The following COL19A1 variants were observed in gnomAD, a reference collection of about 807,000 sequenced individuals.
COL19A1 encodes the protein collagen alpha-1(XIX) chain.
Under a neutral mutation model 190.2 loss-of-function variants are expected in COL19A1, and 159 were observed. The ratio of observed to expected loss-of-function variants is 0.84; its 90% CI spans 0.73 to 0.95. The LOEUF (loss-of-function observed/expected upper bound fraction) is 0.95. Ranked by LOEUF, COL19A1 falls within the 40% of genes least tolerant of loss-of-function variation. COL19A1 has a pLI of 0.00. For missense variants in COL19A1, 1,418 were observed against 1,431.9 expected, an observed-to-expected ratio of 0.99 and a Z score of 0.16; for synonymous variants, 509 against 458.9, an observed-to-expected ratio of 1.11 and a Z score of -1.39.
At chr6:70,129,838 G>C (rs933737681) in intron 17 of COL19A1, among the ~76,000 whole-genome samples, 1 of 152,250 alleles carries the variant, frequency 6.6e-6, no homozygotes, top group Non-Finnish European at 1.5e-5. Flanking sequence ...AGGGAGAGCA[G>C]ATCAGAGATG....
intron 13 of COL19A1, 95 bp downstream of exon 13, chr6:70,034,393 G>A (rs1779233637): frequency 2.2e-6 from 2 of 927,852 alleles, no homozygotes; most frequent in Admixed American, 1.9e-5. Flanking sequence ...TCTCCTAAAA[G>A]CATTCTAAAA....
At chr6:70,155,976 T>A in intron 31 of COL19A1, 151 bp from the exon 32 acceptor site, 2 of 571,908 alleles carry the variant, frequency 3.5e-6, no homozygotes, top group Non-Finnish European at 3.0e-6. Context: ...TTAATGTTTT[T>A]AAATTGGATA....
chr6:69,906,622 A>T (rs1405376433), intron 4 of COL19A1, among the ~76,000 whole-genome samples: 1 of 152,216 alleles, frequency 6.6e-6, no homozygotes, highest in East Asian at 1.9e-4. Context: ...AATACGATTT[A>T]TGAGCTTGAA....
At chr6:70,035,109 C>G (rs961371889) in intron 13 of COL19A1, among the ~76,000 whole-genome samples, 1 of 152,186 alleles carries the variant, frequency 6.6e-6, no homozygotes, top group African/African-American at 2.4e-5. Context: ...CATTGTGAGA[C>G]TACAGCATCC....
intron 42 of COL19A1, among the ~76,000 whole-genome samples, chr6:70,179,827 C>T (rs922133845): frequency 6.6e-5 from 10 of 152,106 alleles, no homozygotes; most frequent in South Asian, 2.1e-4. Flanking sequence ...TTATGGCCTG[C>T]GGAGTTGACT....
At position 69,883,341 on chromosome 6, in the gene COL19A1, C is replaced by G. The variant is rs77851973; in HGVS notation, c.91+3683C>G. Among the ~76,000 whole-genome samples, 1,013 of 152,292 alleles carry G rather than the reference C, an allele frequency of 6.7e-3. 24 individuals carry two copies. In the East Asian group the frequency reaches 0.071, roughly 11 times the overall value. On this transcript the variant is annotated intron_variant, in intron 2 of 50. Coordinates refer to ENST00000620364, the MANE Select transcript of COL19A1 (RefSeq NM_001858.6). ...GGTAAATTCACCAAAGCAATAAATCCTGTCCTATGAGACCTCTTGGAAGAT... is the reference window on the plus strand; with the variant it reads ...GGTAAATTCACCAAAGCAATAAATCGTGTCCTATGAGACCTCTTGGAAGAT...
intron 11 of COL19A1, among the ~76,000 whole-genome samples, chr6:69,984,011 T>C (rs1178593501): frequency 6.6e-6 from 1 of 152,014 alleles, no homozygotes; most frequent in Non-Finnish European, 1.5e-5. Flanking sequence ...CCAGAAGGAG[T>C]ATGTGTAATA....
Position 70,188,108 on chromosome 6 carries a change from C to T in COL19A1, c.2890C>T (p.Gln964Ter). ...DQGIPGDRGS[Q>*]GERGKPGLTG... ...GGGGATTCCAGGAGACAGAGGCTCACAAGGTGAACGGGGAAAACCAGGCCT... is the reference window on the plus strand; with the variant it reads ...GGGGATTCCAGGAGACAGAGGCTCATAAGGTGAACGGGGAAAACCAGGCCT... Residue 964 changes from glutamine (Q) to a stop codon, truncating the protein, a stop_gained, in exon 47 of 51, where the codon CAA (glutamine) becomes TAA (stop). Transcript: ENST00000620364. LOFTEE classifies it high-confidence loss of function. 1 of 1,613,492 alleles carries T rather than the reference C, an allele frequency of 6.2e-7. No individual in the cohort carries two copies. The highest frequency in any genetic ancestry group is 8.5e-7 in the Non-Finnish European group (1 of 1,179,726).
At chr6:69,941,192 C>T (rs1443451825) in intron 9 of COL19A1, among the ~76,000 whole-genome samples, 1 of 152,082 alleles carries the variant, frequency 6.6e-6, no homozygotes, top group Non-Finnish European at 1.5e-5. Flanking sequence ...GGAAAGAGTA[C>T]CACTTTGGAG....
rs150746056 is a variant in COL19A1 at position 69,983,828 on chromosome 6, T to G, written c.1026+20958T>G. On this transcript the variant is annotated intron_variant, in intron 11 of 50. Coordinates refer to ENST00000620364, the MANE Select transcript of COL19A1 (RefSeq NM_001858.6). ...ATTCATTTGTTAAGAATGCATAATT[T>G]TTTCTGTGTATAAGTGGATTCAATT... 9.0e-4 allele frequency among the ~76,000 whole-genome samples: 137 copies of G among 152,214 alleles called. 3 individuals are homozygous for G. In the East Asian group the frequency reaches 0.023, roughly 26 times the overall value.
Position 70,207,466 on chromosome 6 carries a change from C to A in COL19A1, c.*192C>A. 2.4e-6 allele frequency: 1 copy of A among 408,414 alleles called. No homozygotes were observed. Among genetic ancestry groups the A allele is most frequent in the Non-Finnish European group, 3.9e-6 (1 of 253,826 alleles). 25.3% of individuals were successfully genotyped at this position (408,414 alleles called of 1,614,324 possible). A position where few individuals can be genotyped will look rare whatever the true frequency, so the allele number is the denominator to read the frequency against. ...TGCAAATCAGCATTTTTTGATTTTT[C>A]CCAAATTCATTCCATATGTTTTGCT... On this transcript the variant is annotated 3_prime_UTR_variant, in exon 51 of 51. Transcript: ENST00000620364.
chr6:69,938,762 G>C (rs1170181707), intron 9 of COL19A1, among the ~76,000 whole-genome samples: 3 of 151,960 alleles, frequency 2.0e-5, no homozygotes, highest in African/African-American at 7.2e-5. Context: ...GTAATTCTAG[G>C]CTATATCCCA....
chr6:69,915,245 A>G (rs758703128), intron 4 of COL19A1, among the ~76,000 whole-genome samples: 4 of 152,230 alleles, frequency 2.6e-5, no homozygotes, highest in Non-Finnish European at 5.9e-5. Flanking sequence ...TTTCTTGACA[A>G]CAACCCACCA....
Position 70,142,768 on chromosome 6 carries a change from G to T in COL19A1, c.1574G>T (p.Gly525Val), listed in dbSNP as rs1164194713. 1.9e-6 allele frequency: 3 copies of T among 1,611,030 alleles called. No individual in the cohort carries two copies. The African/African-American group carries it at 4.0e-5, about 22-fold the overall frequency. ...AGTATATACCACCTTTTATTTTAGG[G>T]TCAGCAAGGATCTGCAGGCTCCATG... ...PGLIGSPGLK[G>V]QQGSAGSMGP... Residue 525 changes from glycine (G) to valine (V), a missense_variant and splice_region_variant, in exon 23 of 51, where the codon GGT becomes GTT. Physicochemically the swap from Gly to Val is moderately radical, Grantham distance 109. Coordinates refer to ENST00000620364, the MANE Select transcript of COL19A1 (RefSeq NM_001858.6).
chr6:70,189,894 T>C (rs1766746434), intron 47 of COL19A1, among the ~76,000 whole-genome samples: 1 of 152,214 alleles, frequency 6.6e-6, no homozygotes, highest in Non-Finnish European at 1.5e-5. Context: ...CCTTTGAAAA[T>C]ACATTATATC....
chr6:70,042,237 T>C (rs1326481586), intron 14 of COL19A1, among the ~76,000 whole-genome samples: 1 of 152,148 alleles, frequency 6.6e-6, no homozygotes, highest in Non-Finnish European at 1.5e-5. Flanking sequence ...AGTATCAAAT[T>C]CGAATTAAAA....
intron 11 of COL19A1, among the ~76,000 whole-genome samples, chr6:69,985,291 G>T (rs1182353655): frequency 6.6e-6 from 1 of 152,152 alleles, no homozygotes; most frequent in Non-Finnish European, 1.5e-5. Flanking sequence ...GACTTTAAGA[G>T]AATCAGTTGA....
chr6:69,986,135 C>A (rs1434431268), intron 11 of COL19A1, among the ~76,000 whole-genome samples: 1 of 150,968 alleles, frequency 6.6e-6, no homozygotes, highest in Non-Finnish European at 1.5e-5. Context: ...CCGCTAATTA[C>A]ATTGTTTTTA....
chr6:70,184,888 T>C lies in COL19A1; in HGVS notation c.2829T>C (p.Pro943=). The part of the protein sequence containing the change: ...IPGAQGIMGK[P]GDRGPKGERG... ...TTTTTCAGGGCATCATGGGTAAGCC[T>C]GGAGACAGAGGCCCCAAAGGAGAAC... The change falls in exon 46 of 51, where the codon CCT becomes CCC. Residue 943 remains proline, a synonymous_variant. Coordinates refer to ENST00000620364, the MANE Select transcript of COL19A1 (RefSeq NM_001858.6). The C allele has an allele frequency of 6.2e-7, 1 of 1,613,290 alleles. No individual in the cohort carries two copies. Among genetic ancestry groups the C allele is most frequent in the Non-Finnish European group, 8.5e-7 (1 of 1,179,646 alleles).
Sources: gnomAD v4.1 joint callset for allele counts (sites outside exome capture counted in the v4.1 genomes callset) on GRCh38, gnomAD v4.1.1 for gene constraint, MANE v1.5 for transcripts, NCBI Gene and HGNC (gene_info 2026-07-23, HGNC 2026-07-21) for gene names.